The following CFAP20DC variants were observed in gnomAD, a reference collection of about 807,000 sequenced individuals.
CFAP20DC encodes the protein protein CFAP20DC.
Under a neutral mutation model 101.7 loss-of-function variants are expected in CFAP20DC, and 84 were observed. The ratio of observed to expected loss-of-function variants is 0.83; its 90% confidence interval spans 0.69 to 0.99. The LOEUF is 0.99. Ranked by LOEUF, CFAP20DC falls within the 50% of genes least tolerant of loss-of-function variation. The probability of loss-of-function intolerance (pLI) is 0.00; values close to 1 mark genes in which losing one functional copy is unlikely to be tolerated. For missense variants in CFAP20DC, 1,007 were observed against 970.3 expected (o/e 1.04, Z -0.50); for synonymous variants, 359 against 351.2 (o/e 1.02, Z -0.25).
chr3:58,730,018 C>CAAAAAAAA (rs769033730), intron 3 of CFAP20DC, among the ~76,000 whole-genome samples: 6 of 53,510 alleles, frequency 1.1e-4, no homozygotes, highest in African/African-American at 2.4e-4. Context: ...AACCTGTCTC[C>CAAAAAAAA]AAAAAAAAAA....
Position 58,810,787 on chromosome 3 carries a change from T to C in CFAP20DC, c.2176-4331A>G, listed in dbSNP as rs938469750. 1.1e-4 allele frequency among the ~76,000 whole-genome samples: 16 copies of C among 151,652 alleles called. 1 individual carries two copies. The highest frequency in any genetic ancestry group is 2.9e-4 in the African/African-American group (12 of 41,114). ...TTGTCCCTGTTTGCAGATGACATGATTGTATATCTAGAAAACCCCATTGTC... is the reference window on the plus strand; with the variant it reads ...TTGTCCCTGTTTGCAGATGACATGACTGTATATCTAGAAAACCCCATTGTC... On this transcript the variant is annotated intron_variant, in intron 14 of 16. Coordinates refer to ENST00000482387, the MANE Select transcript of CFAP20DC (RefSeq NM_001394063.1).
intron 4 of CFAP20DC, among the ~76,000 whole-genome samples, chr3:59,016,386 T>C (rs1462310999): frequency 1.8e-4 from 27 of 151,922 alleles, no homozygotes. Context: ...TATGAGAGGA[T>C]GGGAAGGGTA....
chr3:58,911,820 T>A (rs1162224493), intron 6 of CFAP20DC, among the ~76,000 whole-genome samples: 11 of 152,098 alleles, frequency 7.2e-5, no homozygotes, highest in Admixed American at 7.2e-4. Flanking sequence ...AGAGACTAAA[T>A]CTCCTGTGGC....
chr3:58,840,463 A>T (rs987658021), intron 13 of CFAP20DC, among the ~76,000 whole-genome samples: 2 of 152,212 alleles, frequency 1.3e-5, no homozygotes, highest in Admixed American at 1.3e-4. Context: ...TATCAGATAG[A>T]CACTGCTTCC....
At chr3:58,843,423 A>C (rs1357476749) in intron 13 of CFAP20DC, among the ~76,000 whole-genome samples, 1 of 152,036 alleles carries the variant, frequency 6.6e-6, no homozygotes, top group African/African-American at 2.4e-5. Context: ...GCAATGGAAG[A>C]TGAAATGAAT....
At chr3:58,794,347 G>C (rs1292675824) in intron 15 of CFAP20DC, 1 of 455,590 alleles carries the variant, frequency 2.2e-6, no homozygotes, top group Non-Finnish European at 4.4e-6. Flanking sequence ...AAAATCAATG[G>C]ACAAGAAAGA....
At chr3:58,849,894 T>C (rs1392157136) in intron 12 of CFAP20DC, among the ~76,000 whole-genome samples, 3 of 152,192 alleles carry the variant, frequency 2.0e-5, no homozygotes, top group Admixed American at 6.5e-5. Context: ...TTTTACCTTA[T>C]TGTAGGGCAG....
intron 6 of CFAP20DC, among the ~76,000 whole-genome samples, chr3:58,893,332 C>T (rs1420361818): frequency 2.0e-5 from 3 of 152,174 alleles, no homozygotes; most frequent in African/African-American, 4.8e-5. Context: ...GCGTGAGCCA[C>T]CGTGCCCGGC....
chr3:58,799,607 T>C lies in CFAP20DC; in HGVS notation c.2237+6788A>G, dbSNP rs1383574815. Among the ~76,000 whole-genome samples the C allele has an allele frequency of 6.6e-6, 1 of 152,148 alleles. No homozygotes were observed. The highest frequency in any genetic ancestry group is 1.5e-5 in the Non-Finnish European group (1 of 68,026). ...GTGCCTATTTTTTATGTGTCTCCTA[T>C]GTGCTTGGCAAGTATATCCCTTGAA... On this transcript the variant is annotated intron_variant, in intron 15 of 16. Transcript: ENST00000482387. The surrounding 1 kb of genome is among the most constrained non-coding windows in gnomAD (Gnocchi z 4.9).
intron 16 of CFAP20DC, among the ~76,000 whole-genome samples, chr3:58,747,189 T>C (rs2068265040): frequency 6.6e-6 from 1 of 152,216 alleles, no homozygotes; most frequent in Non-Finnish European, 1.5e-5. Context: ...AAGCCATTTC[T>C]AGTGAAATAA....
intron 15 of CFAP20DC, among the ~76,000 whole-genome samples, chr3:58,767,998 AC>A (rs1382608197): frequency 5.9e-5 from 9 of 152,062 alleles, no homozygotes; most frequent in African/African-American, 2.2e-4. Context: ...TCCTACCCTT[AC>A]CCCTTATGGC....
chr3:58,822,150 TG>T (rs1456441283), intron 14 of CFAP20DC, among the ~76,000 whole-genome samples: 4 of 36,612 alleles, frequency 1.1e-4, no homozygotes, highest in Admixed American at 4.3e-4. Flanking sequence ...TGTTGTGGGG[TG>T]GGGGGAGGGG....
At chr3:58,764,478 G>A (rs760315937) in intron 15 of CFAP20DC, among the ~76,000 whole-genome samples, 3 of 152,172 alleles carry the variant, frequency 2.0e-5, no homozygotes, top group South Asian at 2.1e-4. Context: ...GACCCCTTGC[G>A]CTTCCCAGGT....
At chr3:58,813,021 T>C (rs80168984) in intron 14 of CFAP20DC, among the ~76,000 whole-genome samples, 8,668 of 151,804 alleles carry the variant, frequency 0.057, 581 homozygotes, top group East Asian at 0.35. Flanking sequence ...AGAAAATACA[T>C]TTAGTCTCAG....
intron 15 of CFAP20DC, among the ~76,000 whole-genome samples, chr3:58,761,349 G>T (rs2069572794): frequency 1.3e-5 from 2 of 152,096 alleles, no homozygotes; most frequent in Non-Finnish European, 2.9e-5. Flanking sequence ...TTCTCTGATG[G>T]TAGTTTGTAT....
chr3:58,816,505 T>C (rs767627444), intron 14 of CFAP20DC, among the ~76,000 whole-genome samples: 1 of 152,170 alleles, frequency 6.6e-6, no homozygotes, highest in Non-Finnish European at 1.5e-5. Flanking sequence ...GGGAGTTCCC[T>C]TTCCGAGTCA....
At chr3:58,852,630 C>T (rs1235135718) in intron 12 of CFAP20DC, among the ~76,000 whole-genome samples, 2 of 150,024 alleles carry the variant, frequency 1.3e-5, no homozygotes, top group East Asian at 1.9e-4. Flanking sequence ...TTATAACAAA[C>T]TATCTCTCAG....
intron 14 of CFAP20DC, among the ~76,000 whole-genome samples, chr3:58,827,842 CAT>C: frequency 6.6e-6 from 1 of 152,310 alleles, no homozygotes; most frequent in South Asian, 2.1e-4. Context: ...GTTCACAGCA[CAT>C]GTGTGCCACT....
intron 4 of CFAP20DC, among the ~76,000 whole-genome samples, chr3:58,972,743 C>T (rs190563177): frequency 6.6e-6 from 1 of 152,242 alleles, no homozygotes; most frequent in Non-Finnish European, 1.5e-5. Context: ...CAGTTCTATA[C>T]TCAATTTGTA....
Sources: gnomAD v4.1 joint callset for allele counts (sites outside exome capture counted in the v4.1 genomes callset) on GRCh38, gnomAD v4.1.1 for gene constraint, Gnocchi (gnomAD v3.1) non-coding constraint, MANE v1.5 for transcripts, NCBI Gene and HGNC (gene_info 2026-07-23, HGNC 2026-07-21) for gene names.